Variants in PCDH15 observed in about 807,000 individuals in gnomAD.
PCDH15 encodes the protein protocadherin related 15, also known as protocadherin-15.
In PCDH15, 129 loss-of-function variants were observed where a neutral mutation model predicts 178.5. The ratio of observed to expected loss-of-function variants is 0.72; its 90% CI spans 0.63 to 0.84. The LOEUF is 0.84. Ranked by LOEUF, PCDH15 falls within the 40% of genes least tolerant of loss-of-function variation. The pLI, the probability that PCDH15 is intolerant of heterozygous loss-of-function variation, is 0.00. For synonymous variants in PCDH15, 800 were observed against 732.0 expected, an observed-to-expected ratio of 1.09 and a Z score of -1.50; for missense variants, 2,230 against 2,099.9, an observed-to-expected ratio of 1.06 and a Z score of -1.21.
chr10:54,732,715 T>C (rs66608812), intron 1 of PCDH15, among the ~76,000 whole-genome samples: 33,902 of 151,332 alleles, frequency 0.22, 4,127 homozygotes, highest in East Asian at 0.34. Context: ...GATACTAAAG[T>C]CAGACAAAAA....
chr10:54,796,541 G>A (rs1460385239), intron 1 of PCDH15, among the ~76,000 whole-genome samples: 4 of 151,622 alleles, frequency 2.6e-5, no homozygotes, highest in Non-Finnish European at 2.9e-5. Context: ...CGGCCTGTCT[G>A]TCACTCTGCT....
chr10:54,116,572 G>C (rs764320611), intron 15 of PCDH15, among the ~76,000 whole-genome samples: 2 of 152,218 alleles, frequency 1.3e-5, no homozygotes, highest in African/African-American at 4.8e-5. Flanking sequence ...ACATCCTTCA[G>C]AGTAGACATA....
intron 2 of PCDH15, among the ~76,000 whole-genome samples, chr10:55,145,379 GA>G (rs576715851): frequency 6.3e-4 from 96 of 152,060 alleles, no homozygotes; most frequent in African/African-American, 2.3e-3. Flanking sequence ...GACGGATAGG[GA>G]AAAAATTGGA....
intron 1 of PCDH15, among the ~76,000 whole-genome samples, chr10:55,272,959 CTG>C (rs1174528699): frequency 1.3e-5 from 2 of 152,002 alleles, no homozygotes; most frequent in African/African-American, 4.8e-5. Context: ...AAGCGATGTG[CTG>C]TGTGTCTCTG....
intron 3 of PCDH15, among the ~76,000 whole-genome samples, chr10:54,519,536 C>A (rs911901096): frequency 1.3e-5 from 2 of 152,138 alleles, no homozygotes; most frequent in African/African-American, 4.8e-5. Context: ...AGGAGAACTA[C>A]AAACCACTGC....
At chr10:54,044,336 G>A (rs1252706632) in intron 18 of PCDH15, among the ~76,000 whole-genome samples, 1 of 152,018 alleles carries the variant, frequency 6.6e-6, no homozygotes. Context: ...ATATAGAAGT[G>A]GGCATTTTAG....
intron 2 of PCDH15, among the ~76,000 whole-genome samples, chr10:55,564,457 G>A (rs1358348269): frequency 2.0e-5 from 3 of 151,428 alleles, no homozygotes; most frequent in Non-Finnish European, 3.0e-5. Flanking sequence ...TACTAAAAAA[G>A]CTACAAGGCA....
intron 1 of PCDH15, among the ~76,000 whole-genome samples, chr10:55,216,995 A>G (rs188439356): frequency 6.6e-6 from 1 of 151,944 alleles, no homozygotes; most frequent in African/African-American, 2.4e-5. Flanking sequence ...TCATGTTTGC[A>G]TACAGTTTGG....
At chr10:54,442,240 A>G (rs1338221692) in intron 3 of PCDH15, among the ~76,000 whole-genome samples, 1 of 150,378 alleles carries the variant, frequency 6.6e-6, no homozygotes, top group Non-Finnish European at 1.5e-5. Flanking sequence ...AAGTGTAAGT[A>G]CTTTGATCTT....
chr10:54,832,419 T>C (rs1185117977), intron 3 of PCDH15, among the ~76,000 whole-genome samples: 3 of 152,236 alleles, frequency 2.0e-5, no homozygotes, highest in Non-Finnish European at 4.4e-5. Flanking sequence ...TTTGTTGATA[T>C]GTTTTAAACA....
In PCDH15 at chr10:54,193,908, G is replaced by T. The variant is rs528457378; in HGVS notation, c.1305+1775C>A. Among the ~76,000 whole-genome samples the T allele has an allele frequency of 3.9e-5, 6 of 152,076 alleles. No homozygotes were observed. In the South Asian group the frequency reaches 1.2e-3, roughly 32 times the overall value. On this transcript the variant is annotated intron_variant, in intron 11 of 37. Transcript: ENST00000644397. ...CTTTAATATCCCTTTCTGAAATAGG[G>T]ATAATTGCATCTATCATGTTTGTTG... is the stretch of plus-strand genomic sequence containing the variant.
At chr10:53,990,212 A>AC (rs1166810271) in intron 21 of PCDH15, among the ~76,000 whole-genome samples, 1 of 151,992 alleles carries the variant, frequency 6.6e-6, no homozygotes, top group Non-Finnish European at 1.5e-5. Flanking sequence ...GGGTGTTGAA[A>AC]CCCCTTTGCA....
At chr10:54,622,630 ATATAT>A (rs2093401107) in intron 2 of PCDH15, among the ~76,000 whole-genome samples, 2 of 41,224 alleles carry the variant, frequency 4.9e-5, no homozygotes, top group Non-Finnish European at 9.3e-5. Flanking sequence ...TATATATAAT[ATATAT>A]TATATAATTA....
At chr10:54,945,871 G>A (rs1838187110) in intron 2 of PCDH15, among the ~76,000 whole-genome samples, 1 of 151,768 alleles carries the variant, frequency 6.6e-6, no homozygotes, top group Non-Finnish European at 1.5e-5. Flanking sequence ...CAAAAGTGTT[G>A]TACTTTTGTT....
intron 15 of PCDH15, among the ~76,000 whole-genome samples, chr10:54,109,141 G>A (rs967195706): frequency 6.6e-6 from 1 of 152,158 alleles, no homozygotes; most frequent in Admixed American, 6.5e-5. Flanking sequence ...TCGTATAAAT[G>A]TAAATCAGTA....
At chr10:55,244,877 T>C (rs1237402325) in intron 1 of PCDH15, among the ~76,000 whole-genome samples, 2 of 151,776 alleles carry the variant, frequency 1.3e-5, no homozygotes, top group Non-Finnish European at 2.9e-5. Flanking sequence ...GAAGATATGG[T>C]AAGTCTAATT....
At chr10:55,147,497 A>G (rs1227568334) in intron 2 of PCDH15, among the ~76,000 whole-genome samples, 1 of 151,568 alleles carries the variant, frequency 6.6e-6, no homozygotes, top group African/African-American at 2.4e-5. Flanking sequence ...GCACGTATCT[A>G]GAAAATACAA....
intron 1 of PCDH15, among the ~76,000 whole-genome samples, chr10:55,195,760 T>C (rs1240759229): frequency 6.6e-6 from 1 of 152,048 alleles, no homozygotes; most frequent in African/African-American, 2.4e-5. Context: ...TGATAAAATT[T>C]ATTGTGGAAA....
At chr10:54,017,372 G>T (rs1253907350) in intron 20 of PCDH15, among the ~76,000 whole-genome samples, 1 of 152,050 alleles carries the variant, frequency 6.6e-6, no homozygotes, top group African/African-American at 2.4e-5. Context: ...CAATAACAAA[G>T]ACATGGAATC....
Sources: gnomAD v4.1 joint callset for allele counts (sites outside exome capture counted in the v4.1 genomes callset) on GRCh38, gnomAD v4.1.1 for gene constraint, MANE v1.5 for transcripts, NCBI Gene and HGNC (gene_info 2026-07-23, HGNC 2026-07-21) for gene names.